Variants in DMXL2 observed in about 807,000 individuals in gnomAD.
The protein encoded by DMXL2 is Dmx like 2.
In DMXL2, 103 loss-of-function variants were observed where a neutral mutation model predicts 331.1. The ratio of observed to expected loss-of-function variants is 0.31; its 90% CI spans 0.27 to 0.37. DMXL2 has a LOEUF of 0.37. DMXL2 is among the 10% of genes least tolerant of loss of function. The pLI is 1.00. For missense variants in DMXL2, 3,171 were observed against 3,642.9 expected (o/e 0.87, Z 3.33); for synonymous variants, 1,281 against 1,252.1 (o/e 1.02, Z -0.49).
intron 16 of DMXL2, 36 bp downstream of exon 16, chr15:51,507,098 T>G: frequency 6.9e-7 from 1 of 1,448,678 alleles, no homozygotes; most frequent in Non-Finnish European, 9.2e-7. Context: ...ATAAATTTGT[T>G]ATGTATCATC....
intron 1 of DMXL2, among the ~76,000 whole-genome samples, chr15:51,596,935 G>C (rs144757062): frequency 3.7e-4 from 56 of 152,250 alleles, no homozygotes; most frequent in Admixed American, 2.6e-4. Flanking sequence ...GTGGGAGGAG[G>C]GGGGTGGGAT....
At chr15:51,562,982 T>C (rs994678677) in intron 6 of DMXL2, among the ~76,000 whole-genome samples, 2 of 152,018 alleles carry the variant, frequency 1.3e-5, no homozygotes, top group Non-Finnish European at 2.9e-5. Flanking sequence ...TGGAAGGAAA[T>C]AGCAAAATAT....
At position 51,605,541 on chromosome 15, in the gene DMXL2, TTTTTTTTTTTTTTG is replaced by T. The variant is rs1191569177; in HGVS notation, c.87+16904_87+16917del. Among the ~76,000 whole-genome samples the T allele has an allele frequency of 1.8e-4, 5 of 27,612 alleles. 1 individual carries two copies. The highest frequency in any genetic ancestry group is 6.6e-4 in the African/African-American group (5 of 7,570). 18.1% of individuals were successfully genotyped at this position (27,612 alleles called of 152,430 possible). ...TCTTTTTTTTTTTTTTTTTTTTTTT[TTTTTTTTTTTTTTG>T]AGACGGAGTCTCGCTCTGTCGCCCA... On this transcript the variant is annotated intron_variant, in intron 1 of 43. Transcript: ENST00000560891.
intron 1 of DMXL2, among the ~76,000 whole-genome samples, chr15:51,615,618 C>A (rs551742122): frequency 6.6e-6 from 1 of 152,232 alleles, no homozygotes; most frequent in Non-Finnish European, 1.5e-5. Context: ...CAATTTAGAA[C>A]CTAAATGGAG....
intron 1 of DMXL2, among the ~76,000 whole-genome samples, chr15:51,601,474 T>G (rs1269827486): frequency 6.6e-6 from 1 of 152,106 alleles, no homozygotes; most frequent in Non-Finnish European, 1.5e-5. Context: ...GACCAAGTCT[T>G]CCTTCTTTCC....
At chr15:51,505,268 A>G (rs1374326844) in intron 16 of DMXL2, among the ~76,000 whole-genome samples, 2 of 152,250 alleles carry the variant, frequency 1.3e-5, no homozygotes, top group African/African-American at 4.8e-5. Flanking sequence ...AGCTAAAAAG[A>G]GTACATTATT....
At chr15:51,532,355 G>A (rs1273237279) in intron 13 of DMXL2, among the ~76,000 whole-genome samples, 1 of 152,124 alleles carries the variant, frequency 6.6e-6, no homozygotes, top group Non-Finnish European at 1.5e-5. Flanking sequence ...TAGAGATAGA[G>A]TAGAAGGGTG....
At chr15:51,571,709 CA>C (rs1567134177) in intron 2 of DMXL2, among the ~76,000 whole-genome samples, 2 of 152,150 alleles carry the variant, frequency 1.3e-5, no homozygotes. Flanking sequence ...AAAATGAAGG[CA>C]GAAATAAAAG....
intron 2 of DMXL2, among the ~76,000 whole-genome samples, chr15:51,573,701 G>A (rs1369659586): frequency 2.0e-5 from 3 of 152,034 alleles, no homozygotes; most frequent in Non-Finnish European, 4.4e-5. Flanking sequence ...AGGGGGTCGG[G>A]GGGCTAGGGG....
In DMXL2 at chr15:51,583,110, TTTTTTTTTTTC is replaced by T. The variant is rs1486603898; in HGVS notation, c.88-6940_88-6930del. On this transcript the variant is annotated intron_variant, in intron 1 of 43. Coordinates refer to ENST00000560891, the MANE Select transcript of DMXL2 (RefSeq NM_001378457.1). ...AGAGGAAATTACTTCATTCTTCTTTTTTTTTTTTTTCTTTTTTTTTTTTTTTTTATTATACT... is the reference window on the plus strand; with the variant it reads ...AGAGGAAATTACTTCATTCTTCTTTTTTTTTTTTTTTTTTTTTATTATACT... 2.8e-4 allele frequency among the ~76,000 whole-genome samples: 12 copies of T among 42,628 alleles called. 1 individual carries two copies. In the South Asian group the frequency reaches 2.9e-3, roughly 10 times the overall value. 28.0% of individuals were successfully genotyped at this position (42,628 alleles called of 152,430 possible). A position where few individuals can be genotyped will look rare whatever the true frequency, so the allele number is the denominator to read the frequency against.
chr15:51,605,645 G>A (rs1321635997), intron 1 of DMXL2, among the ~76,000 whole-genome samples: 1 of 86,056 alleles, frequency 1.2e-5, no homozygotes, highest in African/African-American at 3.9e-5. Context: ...CCGGGTTCAC[G>A]CCATTCTCCC....
rs1402444713 is a variant in DMXL2 at position 51,502,818 on chromosome 15, T to C, written c.2980A>G (p.Thr994Ala). Residue 994 changes from threonine to alanine, a missense_variant, in exon 17 of 44, where the codon ACG becomes GCG. Physicochemically the swap from Thr to Ala is moderately conservative, Grantham distance 58 (BLOSUM62 0). Transcript: ENST00000560891. ...LPESVEVIRATPSAGHLSSSS... is the reference protein window; with the variant it reads ...LPESVEVIRAAPSAGHLSSSS... ...AAAGTGACCTTACCTGCTGAAGGCG[T>C]TGCTCTTATTACTTCAACTGATTCT... The C allele has an allele frequency of 1.9e-6, 3 of 1,613,724 alleles. No individual in the cohort carries two copies. The highest frequency in any genetic ancestry group is 2.5e-6 in the Non-Finnish European group (3 of 1,179,732).
intron 1 of DMXL2, among the ~76,000 whole-genome samples, chr15:51,616,311 C>T (rs567172371): frequency 6.6e-6 from 1 of 151,602 alleles, no homozygotes; most frequent in Non-Finnish European, 1.5e-5. Context: ...CCTCAGGAAT[C>T]ATGAAATGAG....
Position 51,491,574 on chromosome 15 carries a change from T to G in DMXL2, c.4953+4A>C. 6.3e-7 allele frequency: 1 copy of G among 1,588,450 alleles called. No individual in the cohort carries two copies. The highest frequency in any genetic ancestry group is 8.5e-7 in the Non-Finnish European group (1 of 1,172,330). On this transcript the variant is annotated splice_donor_region_variant and intron_variant, in intron 20 of 43. Coordinates refer to ENST00000560891, the MANE Select transcript of DMXL2 (RefSeq NM_001378457.1). ...TAACTCAAAATCCACTAAAGAAAAG[T>G]TACCTTTTCAATGCATCTTCGAAGC...
At chr15:51,549,653 T>C (rs371498557) in intron 6 of DMXL2, among the ~76,000 whole-genome samples, 3 of 152,140 alleles carry the variant, frequency 2.0e-5, no homozygotes, top group South Asian at 4.1e-4. Context: ...ATGGCCATTC[T>C]TGCAGGAGTA....
chr15:51,467,092 G>A (rs1311135309), intron 29 of DMXL2, among the ~76,000 whole-genome samples: 1 of 151,974 alleles, frequency 6.6e-6, no homozygotes, highest in Non-Finnish European at 1.5e-5. Flanking sequence ...GTGGGAATGG[G>A]AGATGAAGTC....
In DMXL2 at chr15:51,602,784, T is replaced by G. The variant is rs1243323996; in HGVS notation, c.87+19675A>C. Among the ~76,000 whole-genome samples the G allele has an allele frequency of 2.0e-5, 3 of 152,202 alleles. No individual in the cohort carries two copies. The East Asian group carries it at 5.8e-4, about 29-fold the overall frequency. On this transcript the variant is annotated intron_variant, in intron 1 of 43. Transcript: ENST00000560891. ...AATATACAGAAGGTTGGTCAAACCTTTCCATCTCAACCCAGCCAGCTCTAA... is the reference window on the plus strand; with the variant it reads ...AATATACAGAAGGTTGGTCAAACCTGTCCATCTCAACCCAGCCAGCTCTAA...
intron 13 of DMXL2, among the ~76,000 whole-genome samples, chr15:51,518,406 T>C (rs190861021): frequency 6.6e-6 from 1 of 152,188 alleles, no homozygotes; most frequent in East Asian, 1.9e-4. Flanking sequence ...AACTGTGGCC[T>C]ATAGTTGGTG....
chr15:51,531,162 T>C (rs921223270), intron 13 of DMXL2, among the ~76,000 whole-genome samples: 1 of 152,134 alleles, frequency 6.6e-6, no homozygotes, highest in South Asian at 2.1e-4. Context: ...CAAAACAGCA[T>C]GGTACTGGCA....
Sources: allele counts gnomAD v4.1 joint callset (sites outside exome capture counted in the v4.1 genomes callset), GRCh38; gene constraint gnomAD v4.1.1; transcripts MANE v1.5; gene names NCBI Gene and HGNC (gene_info 2026-07-23, HGNC 2026-07-21).